DEFB121: variants seen among roughly 807,000 people sequenced by gnomAD.
DEFB121 encodes the protein defensin beta 121.
DEFB121 carries 5 observed loss-of-function variants against 2.5 expected under a neutral mutation model. The observed-to-expected ratio is 1.96, with a 90% CI of 1.03 to 4.13. The LOEUF (loss-of-function observed/expected upper bound fraction) is 4.13, where lower values mean the gene tolerates loss of function less well. Among genes scored for constraint, DEFB121 ranks in the 30% most tolerant of loss-of-function variants. The pLI is 0.00. For missense variants in DEFB121, 87 were observed against 85.0 expected (o/e 1.02, Z -0.09); for synonymous variants, 39 against 32.6 (o/e 1.20, Z -0.67).
At chr20:31,407,347 T>G (rs781240391), upstream of DEFB121, among the ~76,000 whole-genome samples, 7 of 152,240 alleles carry the variant, frequency 4.6e-5, no homozygotes, top group Non-Finnish European at 1.0e-4. Flanking sequence ...CTAGGAGAAC[T>G]CTATTTCATT....
chr20:31,413,307 A>G (rs1978712097), upstream of DEFB121, among the ~76,000 whole-genome samples: 1 of 152,252 alleles, frequency 6.6e-6, no homozygotes, highest in Non-Finnish European at 1.5e-5. Context: ...AAGCACACAC[A>G]AGAAATGTTT....
chr20:31,409,359 T>C (rs977730781), upstream of DEFB121, among the ~76,000 whole-genome samples: 1 of 152,188 alleles, frequency 6.6e-6, no homozygotes, highest in Admixed American at 6.6e-5. Context: ...GTCCATTAAT[T>C]AGTAAACAGA....
At chr20:31,408,503 C>T (rs892965353), upstream of DEFB121, among the ~76,000 whole-genome samples, 2 of 141,096 alleles carry the variant, frequency 1.4e-5, no homozygotes, top group Non-Finnish European at 3.1e-5. Context: ...AAAATTAATG[C>T]TCCGGAGGTC....
chr20:31,404,947 GT>G lies in DEFB121; in HGVS notation c.196del (p.Thr66GlnfsTer?), dbSNP rs773329514. The G allele has an allele frequency of 1.3e-5, 21 of 1,613,872 alleles. No individual in the cohort carries two copies. The highest frequency in any genetic ancestry group is 1.7e-5 in the Non-Finnish European group (20 of 1,180,010). On this transcript the variant is annotated frameshift_variant, in exon 2 of 2. Coordinates refer to ENST00000376314, the MANE Select transcript of DEFB121 (RefSeq NM_001011878.3). LOFTEE classifies it low-confidence loss of function (END_TRUNC). The stretch of plus-strand genomic sequence containing the variant: ...AGAAGTTGATTCCAGGCTTGTATTT[GT>G]GTCTGTTAATTTTGGTTTTACAGGT... ...YVPVKPKLTD[T>X]NTSLESTSAV
upstream of DEFB121, chr20:31,406,416 T>C (rs939027459): frequency 7.6e-6 from 4 of 524,568 alleles, no homozygotes; most frequent in African/African-American, 5.9e-5. Flanking sequence ...AATTTTATAA[T>C]ACAGCTGGAG....
At chr20:31,409,118 TA>T (rs1010927256), upstream of DEFB121, among the ~76,000 whole-genome samples, 1 of 152,134 alleles carries the variant, frequency 6.6e-6, no homozygotes, top group Non-Finnish European at 1.5e-5. Context: ...TTCTCTATTT[TA>T]AAAAAACTTG....
At chr20:31,414,552 C>T (rs901166275), upstream of DEFB121, among the ~76,000 whole-genome samples, 2 of 152,120 alleles carry the variant, frequency 1.3e-5, no homozygotes, top group African/African-American at 2.4e-5. Flanking sequence ...CATGTGATGA[C>T]GTGAATGAGC....
the DEFB121 span, among the ~76,000 whole-genome samples, chr20:31,418,259 C>CA: frequency 1.8e-3 from 151 of 82,916 alleles, 2 homozygotes; most frequent in East Asian, 6.1e-3. Context: ...GACTCCGTCT[C>CA]AAAAAAAAAA....
chr20:31,408,775 C>T (rs768546563), upstream of DEFB121, among the ~76,000 whole-genome samples: 32 of 152,142 alleles, frequency 2.1e-4, no homozygotes, highest in Admixed American at 3.9e-4. Flanking sequence ...CCTGTAATTC[C>T]AGCACTTTGG....
upstream of DEFB121, among the ~76,000 whole-genome samples, chr20:31,406,531 C>T (rs561902644): frequency 9.2e-5 from 14 of 152,280 alleles, no homozygotes; most frequent in African/African-American, 2.6e-4. Context: ...TACTTCTCTG[C>T]GCCTTGGGTT....
chr20:31,406,507 C>T (rs1978486639), upstream of DEFB121, among the ~76,000 whole-genome samples: 1 of 152,122 alleles, frequency 6.6e-6, no homozygotes, highest in African/African-American at 2.4e-5. Context: ...AGAGATAAGA[C>T]AGAAAAGGAG....
At chr20:31,408,059 G>T (rs917935441), upstream of DEFB121, among the ~76,000 whole-genome samples, 1 of 152,128 alleles carries the variant, frequency 6.6e-6, no homozygotes, top group South Asian at 2.1e-4. Flanking sequence ...GATTACAGGC[G>T]TGAGCCACTG....
chr20:31,406,385 G>T (rs1165967258), upstream of DEFB121: 4 of 848,234 alleles, frequency 4.7e-6, no homozygotes, highest in Non-Finnish European at 6.2e-6. Flanking sequence ...ACAAAGAGAA[G>T]ATACGGCCTT....
At chr20:31,416,037 C>A (rs1402927367), upstream of DEFB121, among the ~76,000 whole-genome samples, 1 of 147,258 alleles carries the variant, frequency 6.8e-6, no homozygotes, top group Non-Finnish European at 1.5e-5. Context: ...CAGAGATCTG[C>A]GCCCTTCTTC....
intron 1 of DEFB121, among the ~76,000 whole-genome samples, chr20:31,405,849 T>G (rs1785772950): frequency 6.6e-6 from 1 of 152,206 alleles, no homozygotes; most frequent in African/African-American, 2.4e-5. Flanking sequence ...TATCCCATCC[T>G]CAGGTCATCA....
chr20:31,405,041 T>C lies in DEFB121; in HGVS notation c.103A>G (p.Lys35Glu). The change falls in exon 2 of 2, where the codon AAA becomes GAA. Residue 35 changes from lysine (K) to glutamate (E), a missense_variant. Transcript: ENST00000376314. ...GKSGRCRTTC[K>E]ESEVYYILCK... ...AATATATAGTATACTTCACTTTCTT[T>C]ACATGTTGTTCTGCACCTGCCTGAC... The C allele has an allele frequency of 1.2e-6, 2 of 1,611,200 alleles. No individual in the cohort carries two copies. Among genetic ancestry groups the C allele is most frequent in the Non-Finnish European group, 1.7e-6 (2 of 1,179,362 alleles).
chr20:31,411,502 C>G (rs1402967802), intron 1 of DEFB121, among the ~76,000 whole-genome samples: 1 of 149,212 alleles, frequency 6.7e-6, no homozygotes, highest in East Asian at 1.9e-4. Context: ...CATATGCTCT[C>G]AATAGATGGG....
chr20:31,414,711 A>G (rs1390426513), upstream of DEFB121, among the ~76,000 whole-genome samples: 1 of 152,224 alleles, frequency 6.6e-6, no homozygotes, highest in Non-Finnish European at 1.5e-5. Context: ...GAGGGAAATT[A>G]GGAATTACTA....
At chr20:31,414,225 A>G (rs1233262139), upstream of DEFB121, among the ~76,000 whole-genome samples, 1 of 151,860 alleles carries the variant, frequency 6.6e-6, no homozygotes, top group Non-Finnish European at 1.5e-5. Context: ...AAAGAAAGAA[A>G]GAAGGAAAGA....
Sources: gnomAD v4.1 joint callset for allele counts (sites outside exome capture counted in the v4.1 genomes callset) on GRCh38, gnomAD v4.1.1 for gene constraint, MANE v1.5 for transcripts, NCBI Gene and HGNC (gene_info 2026-07-23, HGNC 2026-07-21) for gene names.